The following MRFAP1L2 variants were observed in gnomAD, a reference collection of about 807,000 sequenced individuals.
MRFAP1L2 encodes the protein MORF4 family-associated protein 1-like protein UPP.
the MRFAP1L2 span, chr4:6,674,796 T>TG: frequency 6.3e-6 from 3 of 478,040 alleles, no homozygotes; most frequent in Non-Finnish European, 7.4e-6. Flanking sequence ...GGTCACTACG[T>TG]GGGGGGAGAG....
At chr4:6,674,588 C>T in the MRFAP1L2 span, 26 of 629,172 alleles carry the variant, frequency 4.1e-5, no homozygotes, top group Non-Finnish European at 6.5e-5. Flanking sequence ...CGAGGCCGCG[C>T]GGGTCTGGAG....
At chr4:6,674,681 G>C in the MRFAP1L2 span, 9 of 526,490 alleles carry the variant, frequency 1.7e-5, no homozygotes, top group South Asian at 1.4e-4. Context: ...GCTCTCCGCG[G>C]AGTTGGTTTC....
At chr4:6,674,131 C>T in the MRFAP1L2 span, 3 of 384,984 alleles carry the variant, frequency 7.8e-6, no homozygotes, top group African/African-American at 4.2e-5. Context: ...CTAGTCTGGT[C>T]GTTGGTGACA....
At chr4:6,674,384 G>A in the MRFAP1L2 span, 3 of 648,316 alleles carry the variant, frequency 4.6e-6, no homozygotes, top group Middle Eastern at 3.8e-4. Context: ...CCTGCTCGAC[G>A]CCATCAAGAG....
chr4:6,674,537 C>T, the MRFAP1L2 span: 3 of 667,378 alleles, frequency 4.5e-6, no homozygotes, highest in African/African-American at 5.7e-5. Context: ...GATCGTGGAG[C>T]TGCACCAGCG....
At chr4:6,674,452 G>A in the MRFAP1L2 span, 2 of 659,832 alleles carry the variant, frequency 3.0e-6, no homozygotes, top group Non-Finnish European at 5.4e-6. Context: ...CGCGTGCGGA[G>A]GCTGAGGAGC....
the MRFAP1L2 span, chr4:6,675,797 C>CT: frequency 6.6e-6 from 1 of 152,220 alleles, no homozygotes; most frequent in South Asian, 2.1e-4. Flanking sequence ...CCCAGAGTGG[C>CT]TGAGGAAGGA....
the MRFAP1L2 span, chr4:6,674,617 G>T: frequency 3.4e-6 from 2 of 582,622 alleles, no homozygotes; most frequent in South Asian, 3.9e-5. Context: ...GGCGGGGAGT[G>T]TCCCGCGTGG....
the MRFAP1L2 span, chr4:6,675,236 G>A: frequency 1.3e-5 from 2 of 152,248 alleles, no homozygotes; most frequent in Non-Finnish European, 2.9e-5. Context: ...CCACGTAAAG[G>A]AATATGGCCT....
chr4:6,674,301 A>C, the MRFAP1L2 span: 1 of 577,760 alleles, frequency 1.7e-6, no homozygotes, highest in East Asian at 3.5e-5. Flanking sequence ...GGCCGCGAGA[A>C]CCTGGCCTCC....
the MRFAP1L2 span, chr4:6,674,280 C>G: frequency 3.9e-6 from 2 of 508,166 alleles, no homozygotes; most frequent in Non-Finnish European, 6.9e-6. Context: ...CTGAGCCCCG[C>G]GCCCCGCGCC....
chr4:6,674,857 T>G, the MRFAP1L2 span: 1 of 360,122 alleles, frequency 2.8e-6, no homozygotes, highest in Non-Finnish European at 5.0e-6. Context: ...TGTTACGAGA[T>G]TGGAGCGTTT....
chr4:6,674,517 T>C, the MRFAP1L2 span: 2 of 670,742 alleles, frequency 3.0e-6, no homozygotes, highest in South Asian at 3.1e-5. Context: ...GCGGCGCGGA[T>C]GGGCAGGCGG....
the MRFAP1L2 span, chr4:6,674,328 C>T: frequency 1.6e-6 from 1 of 626,802 alleles, no homozygotes; most frequent in East Asian, 3.4e-5. Flanking sequence ...CGCGAGCGCG[C>T]CCGGGCGCAC....
the MRFAP1L2 span, chr4:6,674,370 A>G: frequency 3.1e-6 from 2 of 647,206 alleles, no homozygotes; most frequent in African/African-American, 1.9e-5. Context: ...CTGGAGATCC[A>G]GAGCCTGCTC....
At chr4:6,674,458 G>A in the MRFAP1L2 span, 3 of 660,662 alleles carry the variant, frequency 4.5e-6, no homozygotes, top group Non-Finnish European at 8.2e-6. Flanking sequence ...CGGAGGCTGA[G>A]GAGCGGGTGG....
At chr4:6,674,136 G>C in the MRFAP1L2 span, 1 of 385,908 alleles carries the variant, frequency 2.6e-6, no homozygotes, top group African/African-American at 2.1e-5. Context: ...CTGGTCGTTG[G>C]TGACAGCGAG....
the MRFAP1L2 span, chr4:6,674,338 C>G: frequency 1.6e-6 from 1 of 629,654 alleles, no homozygotes; most frequent in Non-Finnish European, 2.8e-6. Flanking sequence ...CCCGGGCGCA[C>G]TGGCGGGCCC....
chr4:6,674,302 C>G, the MRFAP1L2 span: 4 of 581,624 alleles, frequency 6.9e-6, no homozygotes, highest in Non-Finnish European at 9.2e-6. Flanking sequence ...GCCGCGAGAA[C>G]CTGGCCTCCC....
Sources: gnomAD v4.1 joint callset for allele counts on GRCh38, gnomAD v4.1.1 for gene constraint, MANE v1.5 for transcripts, NCBI Gene and HGNC (gene_info 2026-07-23, HGNC 2026-07-21) for gene names.